RP1L1: variants seen among roughly 807,000 people sequenced by gnomAD.
RP1L1 encodes retinitis pigmentosa 1-like 1 protein.
In RP1L1, 27 loss-of-function variants were observed where a neutral mutation model predicts 15.7. The ratio of observed to expected loss-of-function variants is 1.72; its 90% CI spans 1.27 to 2.38. The LOEUF (loss-of-function observed/expected upper bound fraction) is 2.38, where lower values mean the gene tolerates loss of function less well. Among genes scored for constraint, RP1L1 ranks in the 30% most tolerant of loss-of-function variants. The pLI, the probability that RP1L1 is intolerant of heterozygous loss-of-function variation, is 0.00. For missense variants in RP1L1, 4,798 were observed against 3,075.9 expected (o/e 1.56, Z -13.24); for synonymous variants, 1,813 against 1,276.7 (o/e 1.42, Z -8.96).
intron 3 of RP1L1, among the ~76,000 whole-genome samples, chr8:10,613,598 TCCAAAAAAA>T (rs1316671774): frequency 0.081 from 3,128 of 38,704 alleles, 181 homozygotes; most frequent in African/African-American, 0.17. Context: ...ACACCATCTC[TCCAAAAAAA>T]AAAAAAAAAA....
Position 10,611,460 on chromosome 8 carries a change from T to G in RP1L1, c.2638A>C (p.Thr880Pro). 6 of 1,570,540 alleles carry G rather than the reference T, an allele frequency of 3.8e-6. No individual in the cohort carries two copies. The highest frequency in any genetic ancestry group is 5.2e-6 in the Non-Finnish European group (6 of 1,160,180). Reference sequence around the variant, plus strand: ...GGGCTCCCACCTGGCCCCCGGGCAGTGCTTTGGTGGCTGCTGCCGGTGCTC... The same window carrying G: ...GGGCTCCCACCTGGCCCCCGGGCAGGGCTTTGGTGGCTGCTGCCGGTGCTC... ...CGSTGSSHQS[T>P]ARGPGGSPQE... The change falls in exon 4 of 4, where the codon ACT (threonine) becomes CCT (proline). Residue 880 changes from threonine (T) to proline (P), a missense_variant. By Grantham distance (38) the Thr-to-Pro change is conservative (BLOSUM62 -1). Coordinates refer to ENST00000382483, the MANE Select transcript of RP1L1 (RefSeq NM_178857.6).
At position 10,610,675 on chromosome 8, in the gene RP1L1, G is replaced by A. The variant is rs1412789948; in HGVS notation, c.3423C>T (p.Phe1141=). 2.2e-5 allele frequency: 35 copies of A among 1,612,226 alleles called. No individual in the cohort carries two copies. The highest frequency in any genetic ancestry group is 3.0e-5 in the Non-Finnish European group (35 of 1,179,308). ...GCTCCTGGTACCGAGGGGAGTCTTT[G>A]AACCTCACTTTGCTGGCAGGAGACC... The part of the protein sequence containing the change: ...DLGSPASKVR[F]KDSPRYQELL... The change falls in exon 4 of 4, where the codon TTC becomes TTT. Residue 1141 remains phenylalanine, a synonymous_variant. Transcript: ENST00000382483.
rs752688893 is a variant in RP1L1 at position 10,606,992 on chromosome 8, C to G, written c.7106G>C (p.Gly2369Ala). 8 of 1,614,226 alleles carry G rather than the reference C, an allele frequency of 5.0e-6. No homozygotes were observed. Among genetic ancestry groups the G allele is most frequent in the East Asian group, 4.5e-5 (2 of 44,868 alleles). The change falls in exon 4 of 4, where the codon GGT (glycine) becomes GCT (alanine). Residue 2369 changes from glycine (G) to alanine (A), a missense_variant. Transcript: ENST00000382483. Reference sequence around the variant, plus strand: ...TGCCTGGTCCTCTTGTAGGTCATAACCTTCACTGGCCCCCTGCTCTGGAGT... The same window carrying G: ...TGCCTGGTCCTCTTGTAGGTCATAAGCTTCACTGGCCCCCTGCTCTGGAGT... ...SRTPEQGASE[G>A]YDLQEDQALG...
rs1797796360 is a variant in RP1L1, at chr8:10,609,844, C to G, written c.4254G>C (p.Gly1418=). The G allele has an allele frequency of 6.2e-7, 1 of 1,614,020 alleles. No homozygotes were observed. The highest frequency in any genetic ancestry group is 1.3e-5 in the African/African-American group (1 of 74,926). The stretch of plus-strand genomic sequence containing the variant: ...CTGGGTCATCTTCCTGGGAGCCTTT[C>G]CCATCCGGAGAGCTGGCCTCTGACA... The part of the protein sequence containing the change: ...QELSEASSPD[G]KGSQEDDPVQ... Residue 1418 remains glycine (G), a synonymous_variant, in exon 4 of 4, where the codon GGG becomes GGC. Coordinates refer to ENST00000382483, the MANE Select transcript of RP1L1 (RefSeq NM_178857.6).
At position 10,610,203 on chromosome 8, in the gene RP1L1, C is replaced by G; in HGVS notation, c.3895G>C (p.Glu1299Gln). 2 of 1,392,828 alleles carry G rather than the reference C, an allele frequency of 1.4e-6. No individual in the cohort carries two copies. The highest frequency in any genetic ancestry group is 1.9e-6 in the Non-Finnish European group (2 of 1,036,784). The allele number at this position is 1,392,828 out of a possible 1,614,324, so 86.3% of individuals were successfully genotyped here. Residue 1299 changes from glutamate (E) to glutamine (Q), a missense_variant, in exon 4 of 4, where the codon GAA (glutamate) becomes CAA (glutamine). Transcript: ENST00000382483. ...LEQLAENTVQEEVQLEETKEG... is the reference protein window; with the variant it reads ...LEQLAENTVQQEVQLEETKEG... ...TTAGTTTCCTCTAATTGCACCTCTT[C>G]TTGCACTGTGTTTTCAGCTAACTGC... is the stretch of plus-strand genomic sequence containing the variant.
chr8:10,611,925 C>A lies in RP1L1; in HGVS notation c.2173G>T (p.Gly725Cys), dbSNP rs1407809173. 6 of 1,613,742 alleles carry A rather than the reference C, an allele frequency of 3.7e-6. No individual in the cohort carries two copies. The highest frequency in any genetic ancestry group is 5.1e-6 in the Non-Finnish European group (6 of 1,180,030). Residue 725 changes from glycine to cysteine, a missense_variant, in exon 4 of 4, where the codon GGC (glycine) becomes TGC (cysteine). By Grantham distance (159) the Gly-to-Cys change is radical. Coordinates refer to ENST00000382483, the MANE Select transcript of RP1L1 (RefSeq NM_178857.6). ...ASGNLRPPSS[G>C]SLPSQDLLGT... is the part of the protein sequence containing the mutation. ...AGAAGGTCCTGGGAAGGAAGAGAGCCCGAGGAGGGAGGTCTCAGGTTCCCA... is the reference window on the plus strand; with the variant it reads ...AGAAGGTCCTGGGAAGGAAGAGAGCACGAGGAGGGAGGTCTCAGGTTCCCA...
chr8:10,622,461 C>G (rs1798075691), intron 2 of RP1L1, 132 bp downstream of exon 2: 2 of 1,156,506 alleles, frequency 1.7e-6, no homozygotes, highest in Middle Eastern at 1.9e-4. Flanking sequence ...TGTCTCCATG[C>G]TGTTCACCTT....
At chr8:10,613,648 T>G (rs1222296353) in intron 3 of RP1L1, among the ~76,000 whole-genome samples, 2 of 145,934 alleles carry the variant, frequency 1.4e-5, no homozygotes, top group Non-Finnish European at 3.0e-5. Context: ...TACCTAAGCA[T>G]GGTAGTATGC....
At position 10,607,991 on chromosome 8, in the gene RP1L1, T is replaced by G. The variant is rs759976030; in HGVS notation, c.6107A>C (p.Glu2036Ala). ...QPKSEGEEAQEVEGETQKTEG... is the reference protein window; with the variant it reads ...QPKSEGEEAQAVEGETQKTEG... ...TGTCTTCTGGGTCTCCCCTTCAACC[T>G]CCTGGGCCTCTTCACCTTCTGACTT... The change falls in exon 4 of 4, where the codon GAG (glutamate) becomes GCG (alanine). Residue 2036 changes from glutamate to alanine, a missense_variant. Coordinates refer to ENST00000382483, the MANE Select transcript of RP1L1 (RefSeq NM_178857.6). 1.7e-5 allele frequency: 27 copies of G among 1,611,126 alleles called. 1 individual carries two copies. The South Asian group carries it at 1.8e-4, about 11-fold the overall frequency.
intron 1 of RP1L1, among the ~76,000 whole-genome samples, chr8:10,636,923 T>C (rs1798338479): frequency 6.6e-6 from 1 of 152,216 alleles, no homozygotes; most frequent in African/African-American, 2.4e-5. Flanking sequence ...CACAGCTCCC[T>C]GACACAACTC....
chr8:10,617,946 G>T (rs117089778), intron 2 of RP1L1, among the ~76,000 whole-genome samples: 4,493 of 152,234 alleles, frequency 0.03, 71 homozygotes, highest in Middle Eastern at 0.075. Context: ...GGTAGCTAAC[G>T]GAAGGTAGGG....
At position 10,622,942 on chromosome 8, in the gene RP1L1, A is replaced by AG. The variant is rs764470647; in HGVS notation, c.259dup (p.Leu87ProfsTer3). The AG allele has an allele frequency of 6.2e-7, 1 of 1,614,068 alleles. No homozygotes were observed. The highest frequency in any genetic ancestry group is 8.5e-7 in the Non-Finnish European group (1 of 1,179,978). On this transcript the variant is annotated frameshift_variant, in exon 2 of 4. Coordinates refer to ENST00000382483, the MANE Select transcript of RP1L1 (RefSeq NM_178857.6). LOFTEE classifies it high-confidence loss of function. ...CTGCTCCAGGGCGCTGAGGCTATGC[A>AG]GGCCCCGGGGTGTGGTGACAGAGCG...
At chr8:10,654,003 G>C (rs1488869791) in intron 1 of RP1L1, among the ~76,000 whole-genome samples, 1 of 152,170 alleles carries the variant, frequency 6.6e-6, no homozygotes, top group Non-Finnish European at 1.5e-5. Flanking sequence ...CTGGGGCAGG[G>C]GGATGAGCTG....
intron 3 of RP1L1, among the ~76,000 whole-genome samples, chr8:10,614,243 C>T (rs898886065): frequency 9.9e-5 from 15 of 152,124 alleles, no homozygotes; most frequent in African/African-American, 2.4e-4. Context: ...TCATCAAGCT[C>T]CTGGTTGATA....
rs557198895 is a variant in RP1L1 at position 10,606,629 on chromosome 8, G to C, written c.*266C>G. The C allele has an allele frequency of 3.8e-6, 2 of 521,394 alleles. No individual in the cohort carries two copies. The highest frequency in any genetic ancestry group is 3.8e-5 in the African/African-American group (2 of 52,144). The allele number at this position is 521,394 out of a possible 1,614,324, so 32.3% of individuals were successfully genotyped here. A position where few individuals can be genotyped will look rare whatever the true frequency, so the allele number is the denominator to read the frequency against. ...GGGCTCTGCAGACAAATAAATAGGA[G>C]CCGGGCTGACCTCCGATAACCGGGC... On this transcript the variant is annotated 3_prime_UTR_variant, in exon 4 of 4. Transcript: ENST00000382483.
chr8:10,640,845 A>C (rs1026298491), intron 1 of RP1L1, among the ~76,000 whole-genome samples: 1 of 152,146 alleles, frequency 6.6e-6, no homozygotes, highest in Non-Finnish European at 1.5e-5. Flanking sequence ...AACACAGCTC[A>C]CTGCAGCCTT....
Position 10,611,923 on chromosome 8 carries a change from G to A in RP1L1, c.2175C>T (p.Gly725=). The A allele has an allele frequency of 6.2e-7, 1 of 1,613,914 alleles. No homozygotes were observed. Among genetic ancestry groups the A allele is most frequent in the South Asian group, 1.1e-5 (1 of 91,092 alleles). ...CCAGAAGGTCCTGGGAAGGAAGAGA[G>A]CCCGAGGAGGGAGGTCTCAGGTTCC... ...ASGNLRPPSS[G]SLPSQDLLGT... Residue 725 remains glycine (G), a synonymous_variant, in exon 4 of 4, where the codon GGC becomes GGT. Coordinates refer to ENST00000382483, the MANE Select transcript of RP1L1 (RefSeq NM_178857.6).
In RP1L1 at chr8:10,610,935, G is replaced by T. The variant is rs1211499060; in HGVS notation, c.3163C>A (p.Pro1055Thr). 1 of 1,611,358 alleles carries T rather than the reference G, an allele frequency of 6.2e-7. No individual in the cohort carries two copies. Among genetic ancestry groups the T allele is most frequent in the Non-Finnish European group, 8.5e-7 (1 of 1,179,496 alleles). Residue 1055 changes from proline to threonine, a missense_variant, in exon 4 of 4, where the codon CCT becomes ACT. By Grantham distance (38) the Pro-to-Thr change is conservative (BLOSUM62 -1). Coordinates refer to ENST00000382483, the MANE Select transcript of RP1L1 (RefSeq NM_178857.6). ...GAAPEGVSEA[P>T]AEAGADREAP... ...TCTCTGTCTGCTCCGGCCTCTGCAG[G>T]GGCCTCGGAAACTCCCTCTGGAGCT...
rs1471500107 is a variant in RP1L1 at position 10,631,325 on chromosome 8, A to ATG, written c.-19-8106_-19-8105insCA. On this transcript the variant is annotated intron_variant, in intron 1 of 3. Transcript: ENST00000382483. Reference sequence around the variant, plus strand: ...CGCATGCACACACACGCACACACGCACACACACATGCACACACACGCACAC... The same window carrying ATG: ...CGCATGCACACACACGCACACACGCATGCACACACATGCACACACACGCACAC... Among the ~76,000 whole-genome samples the ATG allele has an allele frequency of 5.2e-4, 29 of 55,428 alleles. 1 individual carries two copies. Among genetic ancestry groups the ATG allele is most frequent in the African/African-American group, 1.0e-3 (27 of 27,072 alleles). 36.4% of individuals were successfully genotyped at this position (55,428 alleles called of 152,430 possible).
Sources: gnomAD v4.1 joint callset for allele counts (sites outside exome capture counted in the v4.1 genomes callset) on GRCh38, gnomAD v4.1.1 for gene constraint, MANE v1.5 for transcripts, NCBI Gene and HGNC (gene_info 2026-07-23, HGNC 2026-07-21) for gene names.